DHCR24: variants seen among roughly 807,000 people sequenced by gnomAD.
The protein encoded by DHCR24 is 24-dehydrocholesterol reductase, also known as delta(24)-sterol reductase.
DHCR24 carries 28 observed loss-of-function variants against 61.2 expected under a neutral mutation model. The observed-to-expected ratio is 0.46, with a 90% CI of 0.34 to 0.63. The LOEUF is 0.63. Ranked by LOEUF, DHCR24 falls within the 20% of genes least tolerant of loss-of-function variation. The pLI is 0.01. For synonymous variants in DHCR24, 261 were observed against 275.9 expected (o/e 0.95, Z 0.54); for missense variants, 538 against 679.1 (o/e 0.79, Z 2.31).
intron 7 of DHCR24, 61 bp from the exon 8 acceptor site, chr1:54,853,673 C>A (rs1263747866): frequency 6.5e-7 from 1 of 1,543,042 alleles, no homozygotes; most frequent in East Asian, 2.4e-5. Context: ...AGGCTCATGG[C>A]TGGCCCGCTC....
In DHCR24 at chr1:54,876,304, C is replaced by G. The variant is rs72673901; in HGVS notation, c.388-257G>C. 5.1e-3 allele frequency among the ~76,000 whole-genome samples: 770 copies of G among 152,140 alleles called. 18 individuals are homozygous for G. Among genetic ancestry groups the G allele is most frequent in the East Asian group, 0.025 (132 of 5,184 alleles). On this transcript the variant is annotated intron_variant, in intron 2 of 8. Coordinates refer to ENST00000371269, the MANE Select transcript of DHCR24 (RefSeq NM_014762.4). Reference sequence around the variant, plus strand: ...ATTTGACTTAACCTTTTCTAAATTACAGGAGAAATACTCATTCACTTAGAA... The same window carrying G: ...ATTTGACTTAACCTTTTCTAAATTAGAGGAGAAATACTCATTCACTTAGAA...
Position 54,869,251 on chromosome 1 carries a change from A to G in DHCR24, c.876+2099T>C, listed in dbSNP as rs1646983820. On this transcript the variant is annotated intron_variant, in intron 5 of 8. Coordinates refer to ENST00000371269, the MANE Select transcript of DHCR24 (RefSeq NM_014762.4). The stretch of plus-strand genomic sequence containing the variant: ...CAAAAATGAAAGAGTGATCCTATTT[A>G]GTGTTGGCAAGAATGTAGGGAAAAA... Among the ~76,000 whole-genome samples the G allele has an allele frequency of 2.0e-5, 3 of 152,324 alleles. 1 individual carries two copies. In the South Asian group the frequency reaches 6.2e-4, roughly 32 times the overall value.
chr1:54,852,272 G>A lies in DHCR24; in HGVS notation c.1512C>T (p.Pro504=), dbSNP rs375556248. The A allele has an allele frequency of 2.4e-5, 38 of 1,614,092 alleles. No homozygotes were observed. The highest frequency in any genetic ancestry group is 3.3e-5 in the South Asian group (3 of 91,088). ...REKLGCQDAF[P]EVYDKICKAA... The stretch of plus-strand genomic sequence containing the variant: ...CCTTGCAGATCTTGTCGTACACCTC[G>A]GGGAAGGCGTCCTGGCAACCCAGCT... Residue 504 remains proline (P), a synonymous_variant, in exon 9 of 9, where the codon CCC becomes CCT. Coordinates refer to ENST00000371269, the MANE Select transcript of DHCR24 (RefSeq NM_014762.4).
chr1:54,854,216 T>G lies in DHCR24; in HGVS notation c.1039A>C (p.Asn347His). Residue 347 changes from asparagine (N) to histidine (H), a missense_variant, in exon 7 of 9, where the codon AAC becomes CAC. By Grantham distance (68) the Asn-to-His change is moderately conservative (BLOSUM62 1). Coordinates refer to ENST00000371269, the MANE Select transcript of DHCR24 (RefSeq NM_014762.4). ...WELQDIIPFG[N>H]NPIFRYLFGW... ...AAGAGGTAGCGGAAGATGGGGTTGT[T>G]GCCAAAGGGGATAATGTCCTGGAAA... The G allele has an allele frequency of 3.1e-6, 5 of 1,613,822 alleles. No individual in the cohort carries two copies. The highest frequency in any genetic ancestry group is 4.2e-6 in the Non-Finnish European group (5 of 1,179,928).
intron 4 of DHCR24, among the ~76,000 whole-genome samples, chr1:54,872,248 G>A (rs545695767): frequency 9.9e-5 from 15 of 152,230 alleles, no homozygotes; most frequent in African/African-American, 1.4e-4. Context: ...CCCGGCCAGC[G>A]TTTTTCCTAC....
At chr1:54,869,021 C>T (rs1279743535) in intron 5 of DHCR24, among the ~76,000 whole-genome samples, 1 of 152,106 alleles carries the variant, frequency 6.6e-6, no homozygotes, top group East Asian at 1.9e-4. Flanking sequence ...GAGCCAAGAT[C>T]GCACCATTGC....
rs762400676 is a variant in DHCR24 at position 54,871,598 on chromosome 1, G to C, written c.628C>G (p.Leu210Val). 6.2e-7 allele frequency: 1 copy of C among 1,614,216 alleles called. No homozygotes were observed. Among genetic ancestry groups the C allele is most frequent in the Admixed American group, 1.7e-5 (1 of 60,026 alleles). ...VRCTPSENSD[L>V]FYAVPWSCGT... Reference sequence around the variant, plus strand: ...CAGGACCAGGGTACGGCATAGAACAGGTCTGAGTTTTCGGACTGTGAGACA... The same window carrying C: ...CAGGACCAGGGTACGGCATAGAACACGTCTGAGTTTTCGGACTGTGAGACA... The change falls in exon 5 of 9, where the codon CTG becomes GTG. Residue 210 changes from leucine to valine, a missense_variant. Leu to Val is a conservative substitution (Grantham distance 32). Transcript: ENST00000371269.
chr1:54,853,103 C>CATCTGGAGCAG (rs1557428617), intron 8 of DHCR24, among the ~76,000 whole-genome samples: 9 of 152,142 alleles, frequency 5.9e-5, no homozygotes, highest in Admixed American at 5.9e-4. Context: ...GCAGTTGCCC[C>CATCTGGAGCAG]TGGACCCAGC....
intron 6 of DHCR24, among the ~76,000 whole-genome samples, chr1:54,856,516 C>T (rs546140297): frequency 7.7e-4 from 117 of 152,102 alleles, no homozygotes; most frequent in African/African-American, 2.6e-3. Context: ...CAAGGAGAAT[C>T]GTTTGAAGCG....
chr1:54,883,993 A>G lies in DHCR24; in HGVS notation c.232-220T>C, dbSNP rs1369106462. On this transcript the variant is annotated intron_variant, in intron 1 of 8. Coordinates refer to ENST00000371269, the MANE Select transcript of DHCR24 (RefSeq NM_014762.4). The surrounding 1 kb of genome is among the most constrained non-coding windows in gnomAD (Gnocchi z 4.3). ...TGCTACACCACAAGGCAGAATGATG[A>G]AAGAGCTAGAAGAGAGGATCGAAGT... 6.6e-6 allele frequency among the ~76,000 whole-genome samples: 1 copy of G among 152,262 alleles called. No individual in the cohort carries two copies. Among genetic ancestry groups the G allele is most frequent in the Non-Finnish European group, 1.5e-5 (1 of 68,048 alleles).
chr1:54,876,504 A>C (rs1272595550), intron 2 of DHCR24, among the ~76,000 whole-genome samples: 1 of 152,050 alleles, frequency 6.6e-6, no homozygotes, highest in Admixed American at 6.6e-5. Context: ...AAATACAAAA[A>C]TTAGCCAGGC....
In DHCR24 at chr1:54,886,607, G is replaced by A. The variant is rs191191754; in HGVS notation, c.231+282C>T. The A allele has an allele frequency of 4.1e-6, 6 of 1,454,518 alleles. No homozygotes were observed. The African/African-American group carries it at 5.6e-5, about 14-fold the overall frequency. 90.1% of individuals were successfully genotyped at this position (1,454,518 alleles called of 1,614,324 possible). On this transcript the variant is annotated intron_variant, in intron 1 of 8. Transcript: ENST00000371269. ...TCCTTCTCTGAAATGCTTGGGCCGG[G>A]TGAGAGTTACCTGAGTGCTTCGCAC...
In DHCR24 at chr1:54,886,543, T is replaced by G; in HGVS notation, c.231+346A>C. On this transcript the variant is annotated intron_variant, in intron 1 of 8. Transcript: ENST00000371269. ...CCTTCCCCCAATCATTTCCCATACT[T>G]CCCAATCTCTAGACCCAGCTCCACC... The G allele has an allele frequency of 2.4e-6, 3 of 1,252,294 alleles. No homozygotes were observed. In the South Asian group the frequency reaches 3.8e-5, roughly 16 times the overall value. 77.6% of individuals were successfully genotyped at this position (1,252,294 alleles called of 1,614,324 possible).
At chr1:54,864,778 T>C (rs539246881) in intron 6 of DHCR24, among the ~76,000 whole-genome samples, 3 of 152,274 alleles carry the variant, frequency 2.0e-5, no homozygotes, top group African/African-American at 7.2e-5. Context: ...CTTCCCTATG[T>C]TCAGGTCCCT....
chr1:54,871,339 C>A lies in DHCR24; in HGVS notation c.876+11G>T. The A allele has an allele frequency of 6.2e-7, 1 of 1,613,834 alleles. No homozygotes were observed. Among genetic ancestry groups the A allele is most frequent in the Admixed American group, 1.7e-5 (1 of 60,022 alleles). On this transcript the variant is annotated intron_variant, in intron 5 of 8. Transcript: ENST00000371269. ...CAGTCTTGGTCAGCAGCAGCTGACA[C>A]CCTGGCTTACCTTGCTGGGCTCTGC...
chr1:54,876,353 A>G (rs949107888), intron 2 of DHCR24, among the ~76,000 whole-genome samples: 1 of 152,176 alleles, frequency 6.6e-6, no homozygotes, highest in African/African-American at 2.4e-5. Flanking sequence ...TGAAGAAGAA[A>G]ACAAAAATCA....
At chr1:54,879,436 G>A (rs538971334) in intron 2 of DHCR24, among the ~76,000 whole-genome samples, 2 of 150,904 alleles carry the variant, frequency 1.3e-5, no homozygotes, top group East Asian at 3.9e-4. Context: ...ATTAGAAATC[G>A]CAGAAGAAAA....
chr1:54,873,158 T>C (rs972015717), intron 4 of DHCR24, among the ~76,000 whole-genome samples: 5 of 152,238 alleles, frequency 3.3e-5, no homozygotes, highest in African/African-American at 4.8e-5. Context: ...CATAAAGACG[T>C]TGCAGTCAAC....
chr1:54,853,903 C>A, intron 7 of DHCR24, 134 bp downstream of exon 7: 1 of 952,294 alleles, frequency 1.1e-6, no homozygotes, highest in South Asian at 1.4e-5. Context: ...GACATAGGGA[C>A]AAGGACCTCA....
Sources: gnomAD v4.1 joint callset for allele counts (sites outside exome capture counted in the v4.1 genomes callset) on GRCh38, gnomAD v4.1.1 for gene constraint, Gnocchi (gnomAD v3.1) non-coding constraint, MANE v1.5 for transcripts, NCBI Gene and HGNC (gene_info 2026-07-23, HGNC 2026-07-21) for gene names.